The following NUP93 variants were observed in gnomAD, a reference collection of about 807,000 sequenced individuals.
The protein encoded by NUP93 is nucleoporin 93.
NUP93 carries 55 observed loss-of-function variants against 107.8 expected under a neutral mutation model. The ratio of observed to expected loss-of-function variants is 0.51; its 90% confidence interval spans 0.41 to 0.64. The LOEUF is 0.64. Ranked by LOEUF, NUP93 falls within the 30% of genes least tolerant of loss-of-function variation. The pLI is 0.00. For synonymous variants in NUP93, 390 were observed against 397.5 expected, an observed-to-expected ratio of 0.98 and a Z score of 0.22; for missense variants, 937 against 1,044.7, an observed-to-expected ratio of 0.90 and a Z score of 1.42.
At chr16:56,768,853 C>T in intron 3 of NUP93, among the ~76,000 whole-genome samples, 1 of 129,722 alleles carries the variant, frequency 7.7e-6, no homozygotes, top group African/African-American at 3.1e-5. Context: ...GGGGACAGAG[C>T]AAGACTCTGT....
intron 3 of NUP93, among the ~76,000 whole-genome samples, chr16:56,785,624 A>T (rs1962609775): frequency 6.6e-6 from 1 of 152,222 alleles, no homozygotes; most frequent in South Asian, 2.1e-4. Flanking sequence ...ATTCCGTGGT[A>T]CTAAGATGGC....
intron 21 of NUP93, 40 bp downstream of exon 21, chr16:56,841,873 A>G (rs745481458): frequency 1.3e-5 from 21 of 1,609,066 alleles, no homozygotes; most frequent in Non-Finnish European, 1.8e-5. Context: ...GCTAAGCACC[A>G]CCTTTCTGGT....
At chr16:56,807,064 C>T (rs1468490766) in intron 5 of NUP93, among the ~76,000 whole-genome samples, 1 of 152,234 alleles carries the variant, frequency 6.6e-6, no homozygotes, top group Non-Finnish European at 1.5e-5. Context: ...TTCACTTTGA[C>T]ATGTGGGTCC....
intron 2 of NUP93, among the ~76,000 whole-genome samples, chr16:56,751,310 A>G (rs2144464598): frequency 6.6e-6 from 1 of 152,350 alleles, no homozygotes; most frequent in South Asian, 2.1e-4. Flanking sequence ...TTATTACCCC[A>G]AAGTTTTACA....
rs1475099732 is a variant in NUP93, at chr16:56,832,058, C to T, written c.1251+51C>T. ...TAGGGCTTTACCCCTTTTCTGTGCT[C>T]AAGTCCCCGCAAAGATTTTACCTGC... On this transcript the variant is annotated intron_variant, in intron 11 of 21. Coordinates refer to ENST00000308159, the MANE Select transcript of NUP93 (RefSeq NM_014669.5). 1.9e-6 allele frequency: 3 copies of T among 1,597,130 alleles called. No homozygotes were observed. The Admixed American group carries it at 5.1e-5, about 27-fold the overall frequency.
At chr16:56,772,931 C>G (rs1048648152) in intron 3 of NUP93, among the ~76,000 whole-genome samples, 3 of 152,192 alleles carry the variant, frequency 2.0e-5, no homozygotes, top group Non-Finnish European at 4.4e-5. Flanking sequence ...CTCCAGCCTG[C>G]TGGGAAGAGA....
At chr16:56,767,509 TTGAA>T (rs1421806898) in intron 3 of NUP93, among the ~76,000 whole-genome samples, 5 of 152,196 alleles carry the variant, frequency 3.3e-5, no homozygotes, top group East Asian at 1.9e-4. Context: ...GTTTATTTCT[TTGAA>T]TGGGATGAAC....
intron 3 of NUP93, among the ~76,000 whole-genome samples, chr16:56,776,527 A>G (rs1411151048): frequency 1.3e-5 from 2 of 152,224 alleles, no homozygotes; most frequent in African/African-American, 4.8e-5. Flanking sequence ...ATTCCTTCAA[A>G]TAACAGCTTC....
chr16:56,774,983 T>C (rs1372988636), intron 3 of NUP93, among the ~76,000 whole-genome samples: 3 of 150,854 alleles, frequency 2.0e-5, no homozygotes, highest in Non-Finnish European at 3.0e-5. Context: ...CATTGCAACC[T>C]CCACCTCCCA....
chr16:56,809,587 G>A (rs1221316292), intron 5 of NUP93, among the ~76,000 whole-genome samples: 2 of 152,070 alleles, frequency 1.3e-5, no homozygotes, highest in Non-Finnish European at 2.9e-5. Context: ...AGAAAACTGA[G>A]GCTCAGAGAG....
intron 1 of NUP93, among the ~76,000 whole-genome samples, chr16:56,730,414 C>T (rs999359454): frequency 2.0e-5 from 3 of 152,210 alleles, no homozygotes; most frequent in Non-Finnish European, 4.4e-5. Context: ...GGCTGCATCC[C>T]TGGGGGTGCC....
At chr16:56,731,471 G>T (rs1277219135) in intron 1 of NUP93, among the ~76,000 whole-genome samples, 1 of 150,136 alleles carries the variant, frequency 6.7e-6, no homozygotes. Context: ...GCGATCTCGT[G>T]TCATCGTGTG....
intron 21 of NUP93, 151 bp from the exon 22 acceptor site, chr16:56,844,348 G>A (rs1440409893): frequency 4.8e-6 from 2 of 414,124 alleles, no homozygotes; most frequent in South Asian, 2.1e-4. Flanking sequence ...TGACAGAGGA[G>A]GGTATGACTG....
chr16:56,731,399 T>G (rs1462704673), intron 1 of NUP93, among the ~76,000 whole-genome samples: 1 of 151,472 alleles, frequency 6.6e-6, no homozygotes, highest in Admixed American at 6.6e-5. Context: ...TTCTTTTCTT[T>G]CCTTTTTTTT....
At chr16:56,830,964 T>C (rs1963772529) in intron 10 of NUP93, among the ~76,000 whole-genome samples, 1 of 152,216 alleles carries the variant, frequency 6.6e-6, no homozygotes, top group Admixed American at 6.5e-5. Context: ...ATGATTTGAC[T>C]TATTCTGTAA....
At chr16:56,767,667 A>G (rs1268561290) in intron 3 of NUP93, among the ~76,000 whole-genome samples, 4 of 152,206 alleles carry the variant, frequency 2.6e-5, no homozygotes, top group African/African-American at 9.6e-5. Flanking sequence ...CAAGGTACCA[A>G]AATACACTAG....
At position 56,805,524 on chromosome 16, in the gene NUP93, G is replaced by A. The variant is rs546426628; in HGVS notation, c.381G>A (p.Glu127=). The change falls in exon 5 of 22, where the codon GAG becomes GAA. Residue 127 remains glutamate, a synonymous_variant. Transcript: ENST00000308159. ...GGCAGACCTTCGGCATGGCTGAGGA[G>A]TACCATCGGGAGTCAATGTTGGTTG... ...SRKRTFGMAE[E]YHRESMLVEW... is the part of the protein sequence containing the mutation. 1.7e-5 allele frequency: 27 copies of A among 1,614,078 alleles called. No individual in the cohort carries two copies. In the South Asian group the frequency reaches 3.0e-4, roughly 18 times the overall value.
intron 2 of NUP93, among the ~76,000 whole-genome samples, chr16:56,751,928 G>A (rs968515696): frequency 6.6e-6 from 1 of 152,116 alleles, no homozygotes; most frequent in African/African-American, 2.4e-5. Flanking sequence ...TTATAAAGCC[G>A]TCCCTACCCT....
intron 3 of NUP93, chr16:56,782,251 A>G: frequency 1.0e-6 from 1 of 973,440 alleles, no homozygotes. Context: ...AATTAAGACA[A>G]ATGCACCCTG....
Sources: gnomAD v4.1 joint callset for allele counts (sites outside exome capture counted in the v4.1 genomes callset) on GRCh38, gnomAD v4.1.1 for gene constraint, MANE v1.5 for transcripts, NCBI Gene and HGNC (gene_info 2026-07-23, HGNC 2026-07-21) for gene names.